The following RPS24 variants were observed in gnomAD, a reference collection of about 807,000 sequenced individuals.
The protein encoded by RPS24 is small ribosomal subunit protein eS24.
For missense variants in RPS24, 100 were observed against 162.5 expected, an observed-to-expected ratio of 0.62 and a Z score of 2.09; for synonymous variants, 72 against 55.6, an observed-to-expected ratio of 1.30 and a Z score of -1.31.
intron 3 of RPS24, chr10:78,035,938 T>C: frequency 1.8e-6 from 1 of 561,636 alleles, no homozygotes; most frequent in Non-Finnish European, 3.2e-6. Flanking sequence ...GCTGAAGTAG[T>C]GTTCTTGGAG....
chr10:78,041,720 AGGGATGGGAT>A (rs143873511), downstream of RPS24, among the ~76,000 whole-genome samples: 4 of 151,938 alleles, frequency 2.6e-5, no homozygotes, highest in African/African-American at 9.7e-5. Flanking sequence ...ACAGTGCTGC[AGGGATGGGAT>A]GGGATGGGAT....
chr10:78,037,069 CT>C (rs1847885597), intron 3 of RPS24, 124 bp from the exon 4 acceptor site: 4 of 1,145,412 alleles, frequency 3.5e-6, no homozygotes, highest in Non-Finnish European at 5.0e-6. Flanking sequence ...ATTAAATGTA[CT>C]TGAAAAGTTT....
At chr10:78,038,105 A>G (rs1312739509) in intron 4 of RPS24, 7 of 495,398 alleles carry the variant, frequency 1.4e-5, no homozygotes, top group Non-Finnish European at 2.0e-5. Flanking sequence ...TGCCAGTGCT[A>G]TTTAGGCTGG....
chr10:78,043,076 T>C (rs971651273), downstream of RPS24, among the ~76,000 whole-genome samples: 1 of 152,132 alleles, frequency 6.6e-6, no homozygotes, highest in Non-Finnish European at 1.5e-5. Flanking sequence ...GAATCTTGGC[T>C]CACTGCAAGC....
chr10:78,045,465 C>T (rs1429482725), downstream of RPS24, among the ~76,000 whole-genome samples: 1 of 152,000 alleles, frequency 6.6e-6, no homozygotes, highest in Admixed American at 6.6e-5. Flanking sequence ...AATTCCGAAA[C>T]CTGGCAGGTG....
chr10:78,047,740 T>C (rs1191543552), intron 4 of RPS24, among the ~76,000 whole-genome samples: 2 of 152,198 alleles, frequency 1.3e-5, no homozygotes, highest in Non-Finnish European at 2.9e-5. Flanking sequence ...GCATTCCCCC[T>C]TTTGTAGCTG....
At chr10:78,055,787 CTG>C (rs1409722143) in exon 5 of RPS24, 3 of 152,130 alleles carry the variant, frequency 2.0e-5, no homozygotes, top group African/African-American at 7.2e-5. Flanking sequence ...GAGTCTTGCT[CTG>C]TTGCCCAGGC....
intron 4 of RPS24, 42 bp downstream of exon 4, chr10:78,037,346 A>T: frequency 6.4e-7 from 1 of 1,556,720 alleles, no homozygotes; most frequent in Non-Finnish European, 8.7e-7. Context: ...CATTAATTGT[A>T]GGTCTTTAGT....
intron 4 of RPS24, among the ~76,000 whole-genome samples, chr10:78,053,539 G>A (rs1463907054): frequency 6.6e-6 from 1 of 152,186 alleles, no homozygotes; most frequent in East Asian, 1.9e-4. Flanking sequence ...CATTACATCT[G>A]TTATCCCATT....
intron 4 of RPS24, chr10:78,038,163 C>A: frequency 3.3e-6 from 1 of 299,114 alleles, no homozygotes; most frequent in South Asian, 3.1e-5. Flanking sequence ...TTTGCACCAA[C>A]CTAATATGTT....
chr10:78,044,733 C>T (rs1297369357), downstream of RPS24, among the ~76,000 whole-genome samples: 1 of 149,996 alleles, frequency 6.7e-6, no homozygotes, highest in Admixed American at 6.7e-5. Context: ...TGGTAAGAAA[C>T]GAAGCTGGAG....
At chr10:78,053,720 C>T (rs1202219451) in intron 4 of RPS24, among the ~76,000 whole-genome samples, 2 of 152,040 alleles carry the variant, frequency 1.3e-5, no homozygotes, top group Non-Finnish European at 2.9e-5. Flanking sequence ...TTTCCCCTCT[C>T]ATAAAAAGCA....
downstream of RPS24, among the ~76,000 whole-genome samples, chr10:78,044,090 TTTAA>T (rs140737690): frequency 0.032 from 4,847 of 152,284 alleles, 285 homozygotes; most frequent in African/African-American, 0.11. Context: ...AATTATGAAC[TTTAA>T]TTATGTATAT....
chr10:78,055,096 G>A (rs1848137780), exon 5 of RPS24: 1 of 1,439,130 alleles, frequency 6.9e-7, no homozygotes, highest in Non-Finnish European at 9.1e-7. Flanking sequence ...GCAGGGCACT[G>A]TGGAAATCGG....
At chr10:78,039,818 C>A (rs1847953564) in intron 4 of RPS24, 1 of 275,634 alleles carries the variant, frequency 3.6e-6, no homozygotes, top group Admixed American at 4.8e-5. Flanking sequence ...TGTAATGATT[C>A]TCGTAACTGT....
intron 4 of RPS24, chr10:78,038,334 GC>G (rs1847921394): frequency 6.1e-6 from 1 of 163,976 alleles, no homozygotes; most frequent in African/African-American, 2.4e-5. Flanking sequence ...TTAGGAAATG[GC>G]TTCAGTTAAC....
chr10:78,037,646 C>T (rs987068005), intron 4 of RPS24: 2 of 328,566 alleles, frequency 6.1e-6, no homozygotes, highest in Non-Finnish European at 1.2e-5. Context: ...ATCCCATTCC[C>T]TGTGATTTTA....
chr10:78,034,535 A>G (rs1785567937), intron 1 of RPS24: 1 of 153,740 alleles, frequency 6.5e-6, no homozygotes, highest in South Asian at 2.0e-4. Context: ...AGAATTGAGT[A>G]CCACTGACGT....
At chr10:78,047,408 C>T (rs1376141929) in intron 4 of RPS24, among the ~76,000 whole-genome samples, 2 of 152,162 alleles carry the variant, frequency 1.3e-5, no homozygotes, top group African/African-American at 2.4e-5. Flanking sequence ...CTGCCCCATC[C>T]CTGCCTTTTC....
Sources: allele counts gnomAD v4.1 joint callset (sites outside exome capture counted in the v4.1 genomes callset), GRCh38; gene constraint gnomAD v4.1.1; transcripts MANE v1.5; gene names NCBI Gene and HGNC (gene_info 2026-07-23, HGNC 2026-07-21).